SPG21: variants seen among roughly 807,000 people sequenced by gnomAD.
SPG21 encodes the protein SPG21 abhydrolase domain containing, maspardin, also known as maspardin.
In SPG21, 26 loss-of-function variants were observed where a neutral mutation model predicts 38.9. The ratio of observed to expected loss-of-function variants is 0.67; its 90% CI spans 0.49 to 0.93. SPG21 has a LOEUF of 0.93. SPG21 is among the 40% of genes least tolerant of loss of function. The pLI is 0.00. For synonymous variants in SPG21, 136 were observed against 128.9 expected (o/e 1.05, Z -0.37); for missense variants, 333 against 376.5 (o/e 0.88, Z 0.96).
At chr15:64,969,003 A>G (rs2085605954) in intron 7 of SPG21, among the ~76,000 whole-genome samples, 1 of 152,018 alleles carries the variant, frequency 6.6e-6, no homozygotes, top group Admixed American at 6.6e-5. Context: ...CAGCCTCCCA[A>G]AGCGCTGGGA....
chr15:64,969,674 G>A (rs188959389), intron 6 of SPG21, among the ~76,000 whole-genome samples: 2 of 138,510 alleles, frequency 1.4e-5, no homozygotes, highest in East Asian at 2.1e-4. Context: ...AAAGGTGACA[G>A]ATATATGTTT....
At chr15:64,972,840 A>G (rs1322764283) in intron 5 of SPG21, among the ~76,000 whole-genome samples, 1 of 151,126 alleles carries the variant, frequency 6.6e-6, no homozygotes, top group Admixed American at 6.6e-5. Flanking sequence ...TCAAAAACAA[A>G]CAAACAAAAA....
At chr15:64,976,787 CGTGA>C (rs1566928840) in intron 3 of SPG21, among the ~76,000 whole-genome samples, 1 of 152,158 alleles carries the variant, frequency 6.6e-6, no homozygotes, top group African/African-American at 2.4e-5. Flanking sequence ...AATGATATTA[CGTGA>C]GTAACAATTT....
intron 8 of SPG21, 122 bp downstream of exon 8, chr15:64,965,198 T>C (rs2085518206): frequency 2.3e-6 from 3 of 1,321,806 alleles, no homozygotes; most frequent in African/African-American, 1.4e-5. Flanking sequence ...ATCAAGTCAA[T>C]GCCTCATTTC....
At chr15:64,973,686 T>G (rs924018678) in intron 5 of SPG21, among the ~76,000 whole-genome samples, 2 of 152,178 alleles carry the variant, frequency 1.3e-5, no homozygotes, top group African/African-American at 4.8e-5. Context: ...CGACCTCAGG[T>G]GATCCGGCCG....
At chr15:64,974,506 G>T in intron 5 of SPG21, 96 bp downstream of exon 5, 1 of 1,427,768 alleles carries the variant, frequency 7.0e-7, no homozygotes, top group Admixed American at 1.9e-5. Context: ...GCAGAATATA[G>T]AAGTAGATAT....
intron 2 of SPG21, among the ~76,000 whole-genome samples, chr15:64,982,450 T>C (rs1182268220): frequency 6.6e-6 from 1 of 152,154 alleles, no homozygotes; most frequent in Non-Finnish European, 1.5e-5. Context: ...CTGGCTAATT[T>C]TTTCATTTTT....
chr15:64,980,874 C>G lies in SPG21; in HGVS notation c.215G>C (p.Arg72Pro). The stretch of plus-strand genomic sequence containing the variant: ...ATCAGTAATACTTACAGCGATAACC[C>G]GGTAACCCCATCCAGTCAGAGCCAA... ...QILALTGWGYRVIALQYPVYW... is the reference protein window; with the variant it reads ...QILALTGWGYPVIALQYPVYW... Residue 72 changes from arginine to proline, a missense_variant, in exon 3 of 9, where the codon CGG (arginine) becomes CCG (proline). Physicochemically the swap from Arg to Pro is moderately radical, Grantham distance 103. Transcript: ENST00000204566. 1.2e-6 allele frequency: 2 copies of G among 1,613,658 alleles called. No individual in the cohort carries two copies. Among genetic ancestry groups the G allele is most frequent in the Non-Finnish European group, 1.7e-6 (2 of 1,179,970 alleles).
intron 5 of SPG21, 78 bp downstream of exon 5, chr15:64,974,524 C>G (rs2085737326): frequency 5.9e-6 from 9 of 1,537,554 alleles, no homozygotes; most frequent in Non-Finnish European, 8.1e-6. Flanking sequence ...TATAAGTCTT[C>G]CCTTCCTAAT....
intron 3 of SPG21, among the ~76,000 whole-genome samples, chr15:64,978,090 C>G (rs932897942): frequency 6.6e-6 from 1 of 151,740 alleles, no homozygotes; most frequent in Non-Finnish European, 1.5e-5. Context: ...CTCGGCCTCC[C>G]AAAGTGCTGG....
At chr15:64,982,635 TTACTC>T (rs926194624) in intron 2 of SPG21, among the ~76,000 whole-genome samples, 41 of 152,310 alleles carry the variant, frequency 2.7e-4, no homozygotes, top group African/African-American at 9.4e-4. Context: ...AGCAAAGGTT[TTACTC>T]TACTCAGTGA....
chr15:64,983,869 A>G (rs889028539), intron 1 of SPG21, among the ~76,000 whole-genome samples: 3 of 149,388 alleles, frequency 2.0e-5, no homozygotes, highest in Non-Finnish European at 4.4e-5. Context: ...TGCATCCTCT[A>G]CCTCCTGCAG....
At chr15:64,964,183 T>C (rs907150787) in intron 8 of SPG21, among the ~76,000 whole-genome samples, 2 of 152,202 alleles carry the variant, frequency 1.3e-5, no homozygotes, top group South Asian at 2.1e-4. Flanking sequence ...GACTAAGACA[T>C]ACTAAATAGA....
chr15:64,969,785 G>C (rs571127623), intron 6 of SPG21, among the ~76,000 whole-genome samples: 1 of 151,478 alleles, frequency 6.6e-6, no homozygotes, highest in South Asian at 2.1e-4. Flanking sequence ...CAACAGACCT[G>C]GTTCATCAGA....
chr15:64,964,306 C>G (rs1374580702), intron 8 of SPG21, among the ~76,000 whole-genome samples: 1 of 152,234 alleles, frequency 6.6e-6, no homozygotes, highest in East Asian at 1.9e-4. Context: ...GGTGCATGCT[C>G]ATGAGATGTT....
At chr15:64,975,056 G>A (rs544576751) in intron 4 of SPG21, among the ~76,000 whole-genome samples, 4 of 152,134 alleles carry the variant, frequency 2.6e-5, no homozygotes, top group Admixed American at 1.3e-4. Flanking sequence ...TTGGGAGGCC[G>A]AGGCAGGCAG....
In SPG21 at chr15:64,970,195, G is replaced by C. The variant is rs1266274045; in HGVS notation, c.480C>G (p.Leu160=). The change falls in exon 6 of 9, where the codon CTC becomes CTG. Residue 160 remains leucine, a synonymous_variant. Transcript: ENST00000204566. ...AAAAATTTCCAAGAACTATTTTTTTGAGCATAAATGCAGGCATCAGCCAAA... is the reference window on the plus strand; with the variant it reads ...AAAAATTTCCAAGAACTATTTTTTTCAGCATAAATGCAGGCATCAGCCAAA... ...NSFWLMPAFM[L]KKIVLGNFSS... is the part of the protein sequence containing the mutation. The C allele has an allele frequency of 6.2e-7, 1 of 1,613,946 alleles. No individual in the cohort carries two copies. Among genetic ancestry groups the C allele is most frequent in the African/African-American group, 1.3e-5 (1 of 75,014 alleles).
intron 4 of SPG21, among the ~76,000 whole-genome samples, chr15:64,975,826 A>G (rs1269391756): frequency 3.3e-5 from 5 of 152,118 alleles, no homozygotes; most frequent in African/African-American, 4.8e-5. Flanking sequence ...TGAACCTTAA[A>G]CTCACAATGC....
intron 7 of SPG21, among the ~76,000 whole-genome samples, chr15:64,968,399 A>G (rs535401764): frequency 1.4e-4 from 22 of 151,918 alleles, no homozygotes; most frequent in Admixed American, 3.3e-4. Flanking sequence ...ACATTTCAAG[A>G]TAAGTCTTGT....
Sources: allele counts gnomAD v4.1 joint callset (sites outside exome capture counted in the v4.1 genomes callset), GRCh38; gene constraint gnomAD v4.1.1; transcripts MANE v1.5; gene names NCBI Gene and HGNC (gene_info 2026-07-23, HGNC 2026-07-21).